METTL21A: variants seen among roughly 807,000 people sequenced by gnomAD.
The protein encoded by METTL21A is protein N-lysine methyltransferase METTL21A.
A neutral mutation model predicts 20.9 loss-of-function variants in METTL21A; 22 were observed. The ratio of observed to expected loss-of-function variants is 1.05; its 90% CI spans 0.75 to 1.50. The LOEUF (loss-of-function observed/expected upper bound fraction) is 1.50. Among genes scored for constraint, METTL21A ranks in the 40% most tolerant of loss-of-function variants. METTL21A has a pLI of 0.00. For missense variants in METTL21A, 271 were observed against 266.8 expected (o/e 1.02, Z -0.11); for synonymous variants, 93 against 102.0 (o/e 0.91, Z 0.53).
At chr2:207,612,076 G>A (rs1410719515), downstream of METTL21A, 4 of 124,090 alleles carry the variant, frequency 3.2e-5, no homozygotes, top group African/African-American at 8.7e-5. Context: ...ACCTATTCAA[G>A]ATTTCAGGTG....
intron 2 of METTL21A, among the ~76,000 whole-genome samples, chr2:207,623,982 G>A (rs765548981): frequency 2.0e-5 from 3 of 152,174 alleles, no homozygotes; most frequent in Non-Finnish European, 4.4e-5. Context: ...AGGGACAAGA[G>A]GAGTGACTAA....
downstream of METTL21A, among the ~76,000 whole-genome samples, chr2:207,605,067 A>G (rs745381312): frequency 2.0e-5 from 3 of 152,152 alleles, no homozygotes; most frequent in Admixed American, 6.6e-5. Context: ...CGTGTTTTCA[A>G]TTATTTGGGG....
intron 3 of METTL21A, among the ~76,000 whole-genome samples, chr2:207,620,990 T>G (rs1033078504): frequency 1.3e-5 from 2 of 152,156 alleles, no homozygotes; most frequent in African/African-American, 4.8e-5. Context: ...TACTGCTTGT[T>G]AGAAATGCAG....
At chr2:207,613,591 G>T in intron 3 of METTL21A, 148 bp from the exon 4 acceptor site, 1 of 704,520 alleles carries the variant, frequency 1.4e-6, no homozygotes, top group Non-Finnish European at 2.2e-6. Flanking sequence ...AGCTGCAATA[G>T]AAAAATGACT....
At position 207,624,169 on chromosome 2, in the gene METTL21A, AAAAT is replaced by A. The variant is rs749001261; in HGVS notation, c.147+56_147+59del. On this transcript the variant is annotated intron_variant, in intron 2 of 3. Transcript: ENST00000406927. ...AATAAAGCTGTTCTAAAAAAAATAAAAAATAAAAGCCAGTCTTGCAAGTGTGAAC... is the reference window on the plus strand; with the variant it reads ...AATAAAGCTGTTCTAAAAAAAATAAAAAAAGCCAGTCTTGCAAGTGTGAAC... The A allele has an allele frequency of 1.0e-3, 1,548 of 1,510,984 alleles. 3 individuals are homozygous for A. Among genetic ancestry groups the A allele is most frequent in the Non-Finnish European group, 1.2e-3 (1,405 of 1,130,232 alleles). 93.6% of individuals were successfully genotyped at this position (1,510,984 alleles called of 1,614,324 possible).
rs5838079 is a variant in METTL21A at position 207,593,719 on chromosome 2, C to CT, written c.260-11560dup. 2.1e-3 allele frequency among the ~76,000 whole-genome samples: 216 copies of CT among 102,638 alleles called. 3 individuals carry two copies. The highest frequency in any genetic ancestry group is 4.9e-3 in the Middle Eastern group (1 of 204). The allele number at this position is 102,638 out of a possible 152,430, so 67.3% of individuals were successfully genotyped here. A position where few individuals can be genotyped will look rare whatever the true frequency, so the allele number is the denominator to read the frequency against. ...TATTAACTCATTTGATCCTCACAAACTTTTTTTTTTTTTTTTTTTTGAGAC... is the reference window on the plus strand; with the variant it reads ...TATTAACTCATTTGATCCTCACAAACTTTTTTTTTTTTTTTTTTTTTGAGAC... On this transcript the variant is annotated intron_variant, in intron 3 of 3. Coordinates refer to the METTL21A transcript ENST00000425132.
downstream of METTL21A, among the ~76,000 whole-genome samples, chr2:207,607,758 T>G (rs2088356094): frequency 6.8e-6 from 1 of 147,878 alleles, no homozygotes; most frequent in Non-Finnish European, 1.5e-5. Context: ...ACCACTGGAT[T>G]ATTTAACTGC....
chr2:207,625,994 G>A (rs936744822), upstream of METTL21A: 1 of 152,436 alleles, frequency 6.6e-6, no homozygotes, highest in Non-Finnish European at 1.5e-5. Flanking sequence ...GGCGGGCTCT[G>A]GCTGCAGTCG....
chr2:207,596,028 G>A (rs114150406), intron 3 of METTL21A, among the ~76,000 whole-genome samples: 2,103 of 152,208 alleles, frequency 0.014, 31 homozygotes, highest in African/African-American at 0.035. Flanking sequence ...TCTGCTTTTG[G>A]TGTTGTATTT....
intron 3 of METTL21A, among the ~76,000 whole-genome samples, chr2:207,590,629 T>C (rs2084855925): frequency 6.6e-6 from 1 of 152,146 alleles, no homozygotes; most frequent in South Asian, 2.1e-4. Flanking sequence ...AATAGTTGGA[T>C]CAGTTTGGCA....
At chr2:207,597,163 A>G (rs2086315968) in intron 3 of METTL21A, 6 of 1,305,034 alleles carry the variant, frequency 4.6e-6, no homozygotes, top group Non-Finnish European at 6.1e-6. Context: ...CTTTTTTTCT[A>G]TGCGCAAAAC....
downstream of METTL21A, among the ~76,000 whole-genome samples, chr2:207,608,001 A>G (rs1226370235): frequency 6.6e-6 from 1 of 151,998 alleles, no homozygotes; most frequent in Non-Finnish European, 1.5e-5. Context: ...CACACCTGAA[A>G]CACTCATTTC....
intron 3 of METTL21A, chr2:207,596,968 A>G (rs555229745): frequency 2.5e-6 from 4 of 1,613,002 alleles, no homozygotes; most frequent in Non-Finnish European, 3.4e-6. Flanking sequence ...AATGTTTAGA[A>G]AACAGAGTGG....
At chr2:207,582,849 C>A in intron 3 of METTL21A, 1 of 335,652 alleles carries the variant, frequency 3.0e-6, no homozygotes. Context: ...GCTGAGATGG[C>A]ACTACTACTC....
At chr2:207,602,951 A>G (rs2087346489) in intron 3 of METTL21A, 1 of 215,264 alleles carries the variant, frequency 4.6e-6, no homozygotes, top group South Asian at 1.9e-4. Flanking sequence ...TTTTAGAAGC[A>G]AAATAATCAG....
rs544445857 is a variant in METTL21A at position 207,624,465 on chromosome 2, C to T, written c.-29-61G>A. ...CAAAAGATACATTATCTGTTCTTAA[C>T]TAACTCCAAATGCTTTTAAGGTCGT... is the stretch of plus-strand genomic sequence containing the variant. On this transcript the variant is annotated intron_variant, in intron 1 of 3. Transcript: ENST00000406927. The T allele has an allele frequency of 5.0e-6, 7 of 1,403,228 alleles. No homozygotes were observed. In the South Asian group the frequency reaches 8.9e-5, roughly 18 times the overall value. 86.9% of individuals were successfully genotyped at this position (1,403,228 alleles called of 1,614,324 possible). A position where few individuals can be genotyped will look rare whatever the true frequency, so the allele number is the denominator to read the frequency against.
chr2:207,612,592 A>C, downstream of METTL21A: 1 of 153,420 alleles, frequency 6.5e-6, no homozygotes, highest in African/African-American at 2.4e-5. Flanking sequence ...AGCTCAAGGA[A>C]TGTATAGGTT....
intron 3 of METTL21A, chr2:207,602,508 C>T (rs968656282): frequency 9.6e-6 from 2 of 207,370 alleles, no homozygotes; most frequent in Non-Finnish European, 2.0e-5. Flanking sequence ...AGAAGTATGG[C>T]ATTTCCAAGC....
downstream of METTL21A, among the ~76,000 whole-genome samples, chr2:207,604,403 T>A (rs1014095317): frequency 5.3e-5 from 8 of 152,218 alleles, no homozygotes; most frequent in Non-Finnish European, 1.2e-4. Flanking sequence ...ACTATCCATC[T>A]GTTAAATTGT....
Sources: allele counts gnomAD v4.1 joint callset (sites outside exome capture counted in the v4.1 genomes callset), GRCh38; gene constraint gnomAD v4.1.1; transcripts MANE v1.5; gene names NCBI Gene and HGNC (gene_info 2026-07-23, HGNC 2026-07-21).